NUDT16L1: variants seen among roughly 807,000 people sequenced by gnomAD.
The protein encoded by NUDT16L1 is tudor-interacting repair regulator protein.
Under a neutral mutation model 17.3 loss-of-function variants are expected in NUDT16L1, and 19 were observed. The observed-to-expected ratio is 1.10, with a 90% CI of 0.77 to 1.61. NUDT16L1 has a LOEUF of 1.61. NUDT16L1 is among the 40% of genes most tolerant of loss of function. NUDT16L1 has a pLI of 0.00. For missense variants in NUDT16L1, 341 were observed against 292.0 expected (o/e 1.17, Z -1.22); for synonymous variants, 255 against 138.6 (o/e 1.84, Z -5.90).
Position 4,693,912 on chromosome 16 carries a change from C to G in NUDT16L1, c.153+33C>G, listed in dbSNP as rs569618896. On this transcript the variant is annotated intron_variant, in intron 1 of 2. Coordinates refer to ENST00000304301, the Ensembl canonical transcript of NUDT16L1. Reference sequence around the variant, plus strand: ...CGGGCGAGGGCGCGGGCGAGGGTGCCGGCGCGGGCGGGCCCGGGCGGGGGC... The same window carrying G: ...CGGGCGAGGGCGCGGGCGAGGGTGCGGGCGCGGGCGGGCCCGGGCGGGGGC... The G allele has an allele frequency of 3.4e-6, 5 of 1,474,494 alleles. No homozygotes were observed. Among genetic ancestry groups the G allele is most frequent in the South Asian group, 2.6e-5 (2 of 76,150 alleles). 91.3% of individuals were successfully genotyped at this position (1,474,494 alleles called of 1,614,324 possible).
At chr16:4,693,917 C>G in intron 1 of NUDT16L1, 38 bp downstream of exon 1, 2 of 1,466,880 alleles carry the variant, frequency 1.4e-6, no homozygotes, top group Non-Finnish European at 1.8e-6. Flanking sequence ...GGTGCCGGCG[C>G]GGGCGGGCCC....
intron 2 of NUDT16L1, chr16:4,694,591 T>G: frequency 7.0e-7 from 1 of 1,436,154 alleles, no homozygotes; most frequent in African/African-American, 1.4e-5. Context: ...TTGTAAAACT[T>G]GGGAACCTCA....
chr16:4,694,226 C>T (rs2079484481), exon 2 of NUDT16L1: 1 of 1,508,226 alleles, frequency 6.6e-7, no homozygotes. Flanking sequence ...ACTCGCGCGA[C>T]CACGGCCTGG....
chr16:4,693,674 C>T (rs1213195968), upstream of NUDT16L1: 34 of 1,376,566 alleles, frequency 2.5e-5, no homozygotes, highest in African/African-American at 3.0e-5. Context: ...ACGGCGGGGG[C>T]GGGCTCGCGC....
At chr16:4,694,703 G>A (rs114913812) in intron 2 of NUDT16L1, 2 of 1,423,304 alleles carry the variant, frequency 1.4e-6, no homozygotes, top group African/African-American at 1.4e-5. Context: ...CATGGGGTGC[G>A]GACCCCGGGG....
exon 3 of NUDT16L1, chr16:4,695,071 C>A (rs551780091): frequency 9.3e-6 from 15 of 1,613,622 alleles, no homozygotes; most frequent in Admixed American, 1.7e-5. Context: ...TCCTCTTTGC[C>A]CTCAAGGTGC....
exon 3 of NUDT16L1, chr16:4,695,343 G>C (rs1043080837): frequency 1.4e-6 from 1 of 714,010 alleles, no homozygotes. Context: ...GGTGGCGGCC[G>C]GGCCAGCTGG....
At chr16:4,695,017 C>A in exon 3 of NUDT16L1, 1 of 1,613,174 alleles carries the variant, frequency 6.2e-7, no homozygotes, top group Non-Finnish European at 8.5e-7. Flanking sequence ...GAGGCTTCCC[C>A]AACTTCCTGA....
At chr16:4,694,001 G>T (rs2079480035) in exon 2 of NUDT16L1, 4 of 1,583,114 alleles carry the variant, frequency 2.5e-6, no homozygotes, top group Non-Finnish European at 3.4e-6. Context: ...TCGACGGGCT[G>T]CTGGGCTTCC....
In NUDT16L1 at chr16:4,694,153, C is replaced by T. The variant is rs2079482877; in HGVS notation, c.329C>T (p.Ala110Val). 6.9e-6 allele frequency: 11 copies of T among 1,585,986 alleles called. No individual in the cohort carries two copies. The highest frequency in any genetic ancestry group is 8.5e-6 in the Non-Finnish European group (10 of 1,174,752). Residue 110 changes from alanine to valine, a missense_variant, in exon 2 of 3, where the codon GCG (alanine) becomes GTG (valine). Ala to Val is a moderately conservative substitution (Grantham distance 64). Coordinates refer to ENST00000304301, the Ensembl canonical transcript of NUDT16L1. ...ACCGAGGGCCCACACCGCGTCGTGGCGCACCTGTACGCGCGGCAGCTGACG... is the reference window on the plus strand; with the variant it reads ...ACCGAGGGCCCACACCGCGTCGTGGTGCACCTGTACGCGCGGCAGCTGACG...
exon 3 of NUDT16L1, chr16:4,695,387 G>T: frequency 1.7e-6 from 1 of 605,772 alleles, no homozygotes; most frequent in South Asian, 2.0e-5. Context: ...GAGCAGGGTG[G>T]TCCGGGCACA....
At chr16:4,695,043 G>C in exon 3 of NUDT16L1, 1 of 1,613,440 alleles carries the variant, frequency 6.2e-7, no homozygotes, top group Non-Finnish European at 8.5e-7. Context: ...GCCTTCGTGA[G>C]CACGGCTAAG....
exon 3 of NUDT16L1, chr16:4,695,360 G>A: frequency 1.6e-6 from 1 of 638,022 alleles, no homozygotes; most frequent in Non-Finnish European, 2.7e-6. Context: ...CTGGAACCCA[G>A]CCCATCCTCT....
chr16:4,693,745 C>T (rs1285471539), exon 1 of NUDT16L1: 26 of 1,546,142 alleles, frequency 1.7e-5, no homozygotes, highest in Non-Finnish European at 2.0e-5. Flanking sequence ...GGCGGCGGTT[C>T]CGGAGCTGAA....
At position 4,694,240 on chromosome 16, in the gene NUDT16L1, T is replaced by A; in HGVS notation, c.414+2T>A. On this transcript the variant is annotated splice_donor_variant, in intron 2 of 2. Transcript: ENST00000304301. LOFTEE classifies it high-confidence loss of function. The stretch of plus-strand genomic sequence containing the variant: ...CACTCGCGCGACCACGGCCTGGAGG[T>A]GGGGCCGCCGCCCGGGCCCCGCCCC... The A allele has an allele frequency of 6.8e-7, 1 of 1,471,630 alleles. No individual in the cohort carries two copies. Among genetic ancestry groups the A allele is most frequent in the Non-Finnish European group, 8.9e-7 (1 of 1,118,234 alleles). The allele number at this position is 1,471,630 out of a possible 1,614,324, so 91.2% of individuals were successfully genotyped here.
At chr16:4,695,352 G>A (rs1330428156) in exon 3 of NUDT16L1, 3 of 664,420 alleles carry the variant, frequency 4.5e-6, no homozygotes, top group Non-Finnish European at 7.6e-6. Flanking sequence ...CGGGCCAGCT[G>A]GAACCCAGCC....
At chr16:4,694,994 A>G in exon 3 of NUDT16L1, 1 of 1,612,040 alleles carries the variant, frequency 6.2e-7, no homozygotes, top group East Asian at 2.2e-5. Flanking sequence ...GTACACCCAG[A>G]AGGACCGAGT....
At chr16:4,694,470 C>T (rs1375801784) in intron 2 of NUDT16L1, 31 of 1,523,786 alleles carry the variant, frequency 2.0e-5, no homozygotes, top group East Asian at 7.4e-5. Context: ...ATCCGCCTTG[C>T]TGCCTGCCAT....
chr16:4,695,519 C>T, exon 3 of NUDT16L1: 1 of 542,756 alleles, frequency 1.8e-6, no homozygotes, highest in Non-Finnish European at 3.3e-6. Flanking sequence ...AGGGGTGGCG[C>T]ACAGCTCTGG....
Sources: allele counts gnomAD v4.1 joint callset, GRCh38; gene constraint gnomAD v4.1.1; transcripts MANE v1.5; gene names NCBI Gene and HGNC (gene_info 2026-07-23, HGNC 2026-07-21).